KCNMA1: variants seen among roughly 807,000 people sequenced by gnomAD.
KCNMA1 encodes the protein Calcium-activated potassium channel subunit alpha-1.
In KCNMA1, 29 loss-of-function variants were observed where a neutral mutation model predicts 140.0. That is an observed-to-expected ratio of 0.21 (90% confidence interval 0.15 to 0.28). The LOEUF (loss-of-function observed/expected upper bound fraction) is 0.28. Among genes scored for constraint, KCNMA1 ranks in the 10% least tolerant of loss-of-function variants. The probability of loss-of-function intolerance (pLI) is 1.00; values close to 1 mark genes in which losing one functional copy is unlikely to be tolerated. For synonymous variants in KCNMA1, 612 were observed against 611.9 expected (o/e 1.00, Z 0.00); for missense variants, 880 against 1,602.2 (o/e 0.55, Z 7.70).
intron 1 of KCNMA1, among the ~76,000 whole-genome samples, chr10:77,427,711 CCA>C: frequency 9.2e-6 from 1 of 108,930 alleles, no homozygotes; most frequent in African/African-American, 3.1e-5. Flanking sequence ...TCCTGAGCAT[CCA>C]TCCATTCATT....
chr10:77,021,571 A>G (rs1202785132), intron 16 of KCNMA1, among the ~76,000 whole-genome samples: 1 of 152,254 alleles, frequency 6.6e-6, no homozygotes, highest in Non-Finnish European at 1.5e-5. Context: ...TTATCCCTGC[A>G]CAATATCTGG....
In KCNMA1 at chr10:77,108,770, T is replaced by C. The variant is rs529286655; in HGVS notation, c.1132-198A>G. The stretch of plus-strand genomic sequence containing the variant: ...CAGAAATACACAAGACAAACAAACA[T>C]TGGCCACCTTGACAACTAAAGAACA... On this transcript the variant is annotated intron_variant, in intron 8 of 27. Coordinates refer to ENST00000286628, the MANE Select transcript of KCNMA1 (RefSeq NM_001161352.2). The surrounding 1 kb of genome is among the most constrained non-coding windows in gnomAD (Gnocchi z 4.6). Among the ~76,000 whole-genome samples, 1 of 151,938 alleles carries C rather than the reference T, an allele frequency of 6.6e-6. No homozygotes were observed. Among genetic ancestry groups the C allele is most frequent in the East Asian group, 1.9e-4 (1 of 5,154 alleles).
At chr10:77,634,716 A>C in intron 1 of KCNMA1, 1 of 901,182 alleles carries the variant, frequency 1.1e-6, no homozygotes, top group Non-Finnish European at 1.3e-6. Flanking sequence ...AGCCAAATAC[A>C]TGCCTGTGTA....
At chr10:77,290,822 G>A (rs138703652) in intron 2 of KCNMA1, among the ~76,000 whole-genome samples, 32 of 152,296 alleles carry the variant, frequency 2.1e-4, no homozygotes, top group African/African-American at 7.0e-4. Context: ...CTGTGTCATC[G>A]TAAGCTTGAA....
chr10:76,874,271 GCTGGGAGTGTTGC>G (rs1385599472), downstream of KCNMA1: 1 of 152,200 alleles, frequency 6.6e-6, no homozygotes, highest in African/African-American at 2.4e-5. Context: ...CCTGAGTAAG[GCTGGGAGTGTTGC>G]CTGGGTGATG....
chr10:77,501,489 T>TG (rs2043861035), intron 1 of KCNMA1, among the ~76,000 whole-genome samples: 1 of 152,156 alleles, frequency 6.6e-6, no homozygotes. Context: ...TGAGGCAGTG[T>TG]CATAAACCCC....
intron 1 of KCNMA1, among the ~76,000 whole-genome samples, chr10:77,625,265 C>T (rs527946824): frequency 1.4e-4 from 21 of 152,094 alleles, no homozygotes; most frequent in African/African-American, 4.6e-4. Context: ...CCTGTAGTCC[C>T]AGCTACTCCG....
chr10:77,349,725 G>A (rs2092638845), intron 2 of KCNMA1, among the ~76,000 whole-genome samples: 1 of 152,176 alleles, frequency 6.6e-6, no homozygotes. Context: ...TAGAATAAGA[G>A]CAATGGAACT....
intron 1 of KCNMA1, chr10:77,587,994 T>G: frequency 5.0e-6 from 2 of 400,026 alleles, no homozygotes; most frequent in Non-Finnish European, 6.8e-6. Context: ...TTAGTCTTCC[T>G]CAAACTTTGA....
At chr10:76,937,065 T>TCCCTC (rs958360538) in intron 23 of KCNMA1, among the ~76,000 whole-genome samples, 1 of 152,008 alleles carries the variant, frequency 6.6e-6, no homozygotes, top group Non-Finnish European at 1.5e-5. Flanking sequence ...TCTACCAATC[T>TCCCTC]CCCTCCCATC....
intron 19 of KCNMA1, among the ~76,000 whole-genome samples, chr10:76,981,234 C>T (rs145255159): frequency 1.3e-5 from 2 of 152,276 alleles, no homozygotes; most frequent in African/African-American, 4.8e-5. Context: ...TTCCCACCCC[C>T]ACCTGACCCC....
chr10:77,121,562 T>G (rs917827254), intron 5 of KCNMA1, among the ~76,000 whole-genome samples: 5 of 151,232 alleles, frequency 3.3e-5, no homozygotes, highest in African/African-American at 1.2e-4. Flanking sequence ...AACTTCTATA[T>G]TTTCCTCCCA....
At chr10:76,952,734 T>A (rs1480621612) in intron 21 of KCNMA1, among the ~76,000 whole-genome samples, 1 of 152,118 alleles carries the variant, frequency 6.6e-6, no homozygotes, top group Non-Finnish European at 1.5e-5. Context: ...CACATACACA[T>A]AGATAAAGCA....
chr10:76,959,628 C>G (rs1376545125), intron 20 of KCNMA1, among the ~76,000 whole-genome samples: 1 of 152,176 alleles, frequency 6.6e-6, no homozygotes, highest in African/African-American at 2.4e-5. Flanking sequence ...TCATGTATTA[C>G]TAGCTCTGAT....
chr10:77,314,816 T>C (rs1238310991), intron 2 of KCNMA1, among the ~76,000 whole-genome samples: 1 of 152,102 alleles, frequency 6.6e-6, no homozygotes, highest in East Asian at 1.9e-4. Flanking sequence ...CCCTCTCGTC[T>C]GTGAATAAAC....
At chr10:77,306,556 T>C (rs1324629058) in intron 2 of KCNMA1, among the ~76,000 whole-genome samples, 2 of 152,216 alleles carry the variant, frequency 1.3e-5, no homozygotes, top group Non-Finnish European at 2.9e-5. Flanking sequence ...ATATAGGATA[T>C]AATAAGATTA....
chr10:76,910,244 AG>A (rs1446695794), intron 24 of KCNMA1, 148 bp from the exon 25 acceptor site: 2 of 835,120 alleles, frequency 2.4e-6, no homozygotes, highest in Non-Finnish European at 3.9e-6. Context: ...TCTTTGGGTA[AG>A]GGGGGCAGTG....
downstream of KCNMA1, chr10:76,872,726 T>G (rs529066629): frequency 3.3e-5 from 5 of 152,348 alleles, no homozygotes; most frequent in East Asian, 9.7e-4. Flanking sequence ...ACTATTGAAA[T>G]GCCTCCAAAG....
At chr10:77,386,779 G>C (rs1765648415) in intron 2 of KCNMA1, among the ~76,000 whole-genome samples, 1 of 152,160 alleles carries the variant, frequency 6.6e-6, no homozygotes, top group Non-Finnish European at 1.5e-5. Flanking sequence ...ATTCTGGCAG[G>C]CTTTTAAATT....
Sources: allele counts gnomAD v4.1 joint callset (sites outside exome capture counted in the v4.1 genomes callset), GRCh38; gene constraint gnomAD v4.1.1; non-coding constraint Gnocchi (gnomAD v3.1); transcripts MANE v1.5; gene names NCBI Gene and HGNC (gene_info 2026-07-23, HGNC 2026-07-21).